STAT3: variants seen among roughly 807,000 people sequenced by gnomAD.
STAT3 encodes the protein signal transducer and activator of transcription 3, also known as DNA-binding protein APRF.
A neutral mutation model predicts 114.3 loss-of-function variants in STAT3; 7 were observed. The ratio of observed to expected loss-of-function variants is 0.06; its 90% CI spans 0.03 to 0.11. STAT3 has a LOEUF of 0.11. Ranked by LOEUF, STAT3 falls within the 10% of genes least tolerant of loss-of-function variation. The pLI is 1.00. For missense variants in STAT3, 364 were observed against 960.9 expected, an observed-to-expected ratio of 0.38 and a Z score of 8.21; for synonymous variants, 331 against 354.5, an observed-to-expected ratio of 0.93 and a Z score of 0.74.
In STAT3 at chr17:42,326,210, G is replaced by GAGAA; in HGVS notation, c.1282-15_1282-12dup. On this transcript the variant is annotated splice_polypyrimidine_tract_variant and intron_variant, in intron 14 of 23. Transcript: ENST00000264657. Reference sequence around the variant, plus strand: ...CACAATCAGGGAAGCCTACAGTAACGAGAAGGACACTCTTAGGCCAGGTGT... The same window carrying GAGAA: ...CACAATCAGGGAAGCCTACAGTAACGAGAAAGAAGGACACTCTTAGGCCAGGTGT... 2 of 1,612,780 alleles carry GAGAA rather than the reference G, an allele frequency of 1.2e-6. No individual in the cohort carries two copies. The highest frequency in any genetic ancestry group is 2.2e-5 in the South Asian group (2 of 91,052).
Position 42,323,374 on chromosome 17 carries a change from G to A in STAT3, c.1654-20C>T. ...GTTTTCCTGGAGAAAAGAGTAATGG[G>A]AAAGCCAAGTCTACTGCCATCCCAG... On this transcript the variant is annotated intron_variant, in intron 18 of 23. Coordinates refer to ENST00000264657, the MANE Select transcript of STAT3 (RefSeq NM_139276.3). 3 of 1,613,552 alleles carry A rather than the reference G, an allele frequency of 1.9e-6. No homozygotes were observed. The highest frequency in any genetic ancestry group is 2.5e-6 in the Non-Finnish European group (3 of 1,179,512).
intron 2 of STAT3, among the ~76,000 whole-genome samples, chr17:42,346,992 C>G (rs1037586515): frequency 1.3e-5 from 2 of 151,840 alleles, no homozygotes; most frequent in African/African-American, 4.8e-5. Context: ...AGTTCCAGAC[C>G]AACCTGGCCA....
intron 14 of STAT3, 33 bp downstream of exon 14, chr17:42,329,377 C>T (rs778541073): frequency 6.7e-7 from 1 of 1,492,508 alleles, no homozygotes; most frequent in Non-Finnish European, 8.9e-7. Flanking sequence ...AAGGAAAACA[C>T]CCCAGTTGTC....
chr17:42,373,076 C>A (rs1280718316), intron 1 of STAT3, among the ~76,000 whole-genome samples: 1 of 152,058 alleles, frequency 6.6e-6, no homozygotes, highest in Non-Finnish European at 1.5e-5. Context: ...TCTAGACTGG[C>A]CGCAGTGGCT....
At chr17:42,347,550 G>A (rs1425135108) in intron 2 of STAT3, among the ~76,000 whole-genome samples, 2 of 152,164 alleles carry the variant, frequency 1.3e-5, no homozygotes, top group East Asian at 3.8e-4. Context: ...CTCTATGAAT[G>A]GAATCTACTT....
rs575277193 is a variant in STAT3 at position 42,383,511 on chromosome 17, T to C, written c.-24+4768A>G. Among the ~76,000 whole-genome samples, 5 of 152,264 alleles carry C rather than the reference T, an allele frequency of 3.3e-5. No homozygotes were observed. The South Asian group carries it at 1.0e-3, about 32-fold the overall frequency. ...AGCCACTGCTCCTGGCCCGATATGCTACTCCTTTTAAAAACTGGAGGCATC... is the reference window on the plus strand; with the variant it reads ...AGCCACTGCTCCTGGCCCGATATGCCACTCCTTTTAAAAACTGGAGGCATC... On this transcript the variant is annotated intron_variant, in intron 1 of 23. Coordinates refer to ENST00000264657, the MANE Select transcript of STAT3 (RefSeq NM_139276.3).
At chr17:42,362,181 C>G (rs2083545029) in intron 1 of STAT3, among the ~76,000 whole-genome samples, 1 of 152,200 alleles carries the variant, frequency 6.6e-6, no homozygotes, top group Non-Finnish European at 1.5e-5. Context: ...AAATTACTGT[C>G]AAGCTCGATT....
At chr17:42,335,462 G>A (rs1395851402) in intron 8 of STAT3, among the ~76,000 whole-genome samples, 1 of 152,174 alleles carries the variant, frequency 6.6e-6, no homozygotes. Flanking sequence ...AAAGCATTGG[G>A]ATTTACAGGC....
chr17:42,386,015 C>T, intron 1 of STAT3, among the ~76,000 whole-genome samples: 1 of 152,136 alleles, frequency 6.6e-6, no homozygotes, highest in South Asian at 2.1e-4. Context: ...GGCGCGGTGG[C>T]TCACACCTGT....
chr17:42,387,423 C>T (rs901813467), intron 1 of STAT3: 2 of 152,174 alleles, frequency 1.3e-5, no homozygotes, highest in African/African-American at 4.8e-5. Context: ...AACTCCCACT[C>T]TCAATTGGTT....
chr17:42,388,371 G>A lies in STAT3; in HGVS notation c.-116C>T. On this transcript the variant is annotated 5_prime_UTR_variant, in exon 1 of 24. Coordinates refer to ENST00000264657, the MANE Select transcript of STAT3 (RefSeq NM_139276.3). ...TCAGGCCGAAGGGCCTCTCCGAGCC[G>A]AGGGGGAGAGACAGCGCCAAGCCGG... 1.6e-6 allele frequency: 2 copies of A among 1,231,674 alleles called. No homozygotes were observed. The highest frequency in any genetic ancestry group is 2.0e-6 in the Non-Finnish European group (2 of 987,898). 76.3% of individuals were successfully genotyped at this position (1,231,674 alleles called of 1,614,324 possible). A position where few individuals can be genotyped will look rare whatever the true frequency, so the allele number is the denominator to read the frequency against.
Position 42,337,411 on chromosome 17 carries a change from G to A in STAT3, c.797+24C>T, listed in dbSNP as rs2082273500. On this transcript the variant is annotated intron_variant, in intron 8 of 23. Transcript: ENST00000264657. The surrounding 1 kb of genome is among the most constrained non-coding windows in gnomAD (Gnocchi z 4.0). Reference sequence around the variant, plus strand: ...TTCAATCTAGCTTTCGAGAAAGAAAGGAAAAGCTTCTTTCATCCTTTACCA... The same window carrying A: ...TTCAATCTAGCTTTCGAGAAAGAAAAGAAAAGCTTCTTTCATCCTTTACCA... 1 of 1,611,862 alleles carries A rather than the reference G, an allele frequency of 6.2e-7. No homozygotes were observed. Among genetic ancestry groups the A allele is most frequent in the Non-Finnish European group, 8.5e-7 (1 of 1,178,270 alleles).
At chr17:42,323,196 C>G (rs2144695846) in intron 19 of STAT3, 53 bp from the exon 20 acceptor site, 1 of 1,614,174 alleles carries the variant, frequency 6.2e-7, no homozygotes, top group Non-Finnish European at 8.5e-7. Context: ...GCATCCATCC[C>G]CTGCCACTGG....
In STAT3 at chr17:42,315,353, C is replaced by G; in HGVS notation, c.*392G>C. 1 of 422,524 alleles carries G rather than the reference C, an allele frequency of 2.4e-6. No homozygotes were observed. Among genetic ancestry groups the G allele is most frequent in the Non-Finnish European group, 4.4e-6 (1 of 228,646 alleles). The allele number at this position is 422,524 out of a possible 1,614,324, so 26.2% of individuals were successfully genotyped here. ...TGTGGCATTTGCTTACAGAAACAGG[C>G]AGAAGGATGCCGCAGGCACCAGGAG... On this transcript the variant is annotated 3_prime_UTR_variant, in exon 24 of 24. Transcript: ENST00000264657.
At chr17:42,388,056 T>G (rs953723632) in intron 1 of STAT3, 2 of 509,098 alleles carry the variant, frequency 3.9e-6, no homozygotes, top group Non-Finnish European at 6.1e-6. Flanking sequence ...GTTCTGTTTC[T>G]CCGAAGAACG....
Position 42,315,504 on chromosome 17 carries a change from TG to T in STAT3, c.*240del. The T allele has an allele frequency of 1.7e-6, 1 of 602,582 alleles. No individual in the cohort carries two copies. Among genetic ancestry groups the T allele is most frequent in the African/African-American group, 1.8e-5 (1 of 54,094 alleles). The allele number at this position is 602,582 out of a possible 1,614,324, so 37.3% of individuals were successfully genotyped here. A position where few individuals can be genotyped will look rare whatever the true frequency, so the allele number is the denominator to read the frequency against. ...CACCCCCCGCCACATCCCCTGATCA[TG>T]GGTCTCAGAGAACACATCCTTATTT... On this transcript the variant is annotated 3_prime_UTR_variant, in exon 24 of 24. Coordinates refer to ENST00000264657, the MANE Select transcript of STAT3 (RefSeq NM_139276.3).
Position 42,328,268 on chromosome 17 carries a change from T to C in STAT3, c.1281+1142A>G, listed in dbSNP as rs188140322. On this transcript the variant is annotated intron_variant, in intron 14 of 23. Coordinates refer to ENST00000264657, the MANE Select transcript of STAT3 (RefSeq NM_139276.3). ...GTATAGTGTATTTTTAAAACACATA[T>C]ACTAATAATACTATTCAAATTATTT... Among the ~76,000 whole-genome samples the C allele has an allele frequency of 4.5e-3, 685 of 152,274 alleles. 4 individuals carry two copies. The highest frequency in any genetic ancestry group is 0.016 in the African/African-American group (661 of 41,560).
chr17:42,329,896 A>C, intron 11 of STAT3, 120 bp from the exon 12 acceptor site: 2 of 1,144,512 alleles, frequency 1.7e-6, no homozygotes. Flanking sequence ...ATTTCTTTAA[A>C]CTATTCAGTT....
intron 11 of STAT3, 39 bp from the exon 12 acceptor site, chr17:42,329,815 G>A (rs766999287): frequency 6.2e-7 from 1 of 1,612,206 alleles, no homozygotes; most frequent in Non-Finnish European, 8.5e-7. Flanking sequence ...AATAGGCTCT[G>A]TGTTTCTTCA....
Sources: allele counts gnomAD v4.1 joint callset (sites outside exome capture counted in the v4.1 genomes callset), GRCh38; gene constraint gnomAD v4.1.1; non-coding constraint Gnocchi (gnomAD v3.1); transcripts MANE v1.5; gene names NCBI Gene and HGNC (gene_info 2026-07-23, HGNC 2026-07-21).